The following SOX4 variants were observed in gnomAD, a reference collection of about 807,000 sequenced individuals.
SOX4 encodes SRY-box transcription factor 4, also known as transcription factor SOX-4.
For synonymous variants in SOX4, 465 were observed against 348.4 expected (o/e 1.33, Z -3.73); for missense variants, 662 against 694.9 (o/e 0.95, Z 0.53).
Position 21,594,322 on chromosome 6 carries a change from G to C in SOX4, c.-213G>C. On this transcript the variant is annotated 5_prime_UTR_variant, in exon 1 of 1. Transcript: ENST00000244745. ...CCAGCCTGGGAACTATAACTCCTCT[G>C]CGAGAGGCGGAGAACTCCTTCCCCA... The C allele has an allele frequency of 4.2e-6, 2 of 475,570 alleles. No individual in the cohort carries two copies. The highest frequency in any genetic ancestry group is 6.9e-6 in the Non-Finnish European group (2 of 291,802). 29.5% of individuals were successfully genotyped at this position (475,570 alleles called of 1,614,324 possible). A position where few individuals can be genotyped will look rare whatever the true frequency, so the allele number is the denominator to read the frequency against.
rs1460665706 is a variant in SOX4, at chr6:21,597,652, A to G, written c.*1693A>G. 1 of 166,544 alleles carries G rather than the reference A, an allele frequency of 6.0e-6. No homozygotes were observed. Among genetic ancestry groups the G allele is most frequent in the Non-Finnish European group, 1.5e-5 (1 of 67,918 alleles). 10.3% of individuals were successfully genotyped at this position (166,544 alleles called of 1,614,324 possible). On this transcript the variant is annotated 3_prime_UTR_variant, in exon 1 of 1. Coordinates refer to ENST00000244745, the MANE Select transcript of SOX4 (RefSeq NM_003107.3). ...GACTTTTGACACTTTTAAAAAACAA[A>G]AAAAGACAAGAGAGATGAAAACGTT...
Position 21,595,379 on chromosome 6 carries a change from C to T in SOX4, c.845C>T (p.Ala282Val). ...GCAGCCTCGGCCTCCGCAGCGCTCG[C>T]GGCCCCGGGCAAGCACCTGGCGGAG... ...SSAASASAAL[A>V]APGKHLAEKK... The change falls in exon 1 of 1, where the codon GCG becomes GTG. Residue 282 changes from alanine to valine, a missense_variant. Coordinates refer to ENST00000244745, the MANE Select transcript of SOX4 (RefSeq NM_003107.3). 2 of 1,536,748 alleles carry T rather than the reference C, an allele frequency of 1.3e-6. No homozygotes were observed. The highest frequency in any genetic ancestry group is 2.7e-5 in the East Asian group (1 of 37,366).
Position 21,595,509 on chromosome 6 carries a change from CGAG to C in SOX4, c.983_985del (p.Glu328del), listed in dbSNP as rs1763122835. On this transcript the variant is annotated inframe_deletion, in exon 1 of 1. Coordinates refer to ENST00000244745, the MANE Select transcript of SOX4 (RefSeq NM_003107.3). ...ACCCCAGCGACCCCCTGGGCCTGTA[CGAG>C]GAGGAGGGCGCGGGCTGCTCGCCCG... The C allele has an allele frequency of 7.0e-6, 9 of 1,293,278 alleles. No individual in the cohort carries two copies. In the South Asian group the frequency reaches 9.2e-5, roughly 13 times the overall value. 80.1% of individuals were successfully genotyped at this position (1,293,278 alleles called of 1,614,324 possible). A position where few individuals can be genotyped will look rare whatever the true frequency, so the allele number is the denominator to read the frequency against.
Position 21,595,326 on chromosome 6 carries a change from TC to T in SOX4, c.795del (p.Ser266AlafsTer28). 6.7e-7 allele frequency: 1 copy of T among 1,485,816 alleles called. No homozygotes were observed. The highest frequency in any genetic ancestry group is 8.9e-7 in the Non-Finnish European group (1 of 1,124,922). The allele number at this position is 1,485,816 out of a possible 1,614,324, so 92.0% of individuals were successfully genotyped here. A position where few individuals can be genotyped will look rare whatever the true frequency, so the allele number is the denominator to read the frequency against. On this transcript the variant is annotated frameshift_variant, in exon 1 of 1. Coordinates refer to ENST00000244745, the MANE Select transcript of SOX4 (RefSeq NM_003107.3). LOFTEE classifies it low-confidence loss of function (END_TRUNC). ...DHHSLYKARTPSASASASSAA... is the reference protein window; with the variant it reads ...DHHSLYKARTXSASASASSAA... ...ACCACTCGCTGTACAAGGCGCGGAC[TC>T]CCAGCGCCTCGGCCTCCGCCTCCTC...
At position 21,595,641 on chromosome 6, in the gene SOX4, C is replaced by T. The variant is rs1263151681; in HGVS notation, c.1107C>T (p.Pro369=). 6.8e-6 allele frequency: 10 copies of T among 1,474,608 alleles called. No homozygotes were observed. In the Admixed American group the frequency reaches 1.4e-4, roughly 20 times the overall value. The allele number at this position is 1,474,608 out of a possible 1,614,324, so 91.3% of individuals were successfully genotyped here. The part of the protein sequence containing the change: ...RGYASLRAAS[P]APSSAPSHAS... ...ACGCCAGCCTGCGCGCCGCCTCGCCCGCCCCGTCCAGCGCGCCCTCGCACG... is the reference window on the plus strand; with the variant it reads ...ACGCCAGCCTGCGCGCCGCCTCGCCTGCCCCGTCCAGCGCGCCCTCGCACG... The change falls in exon 1 of 1, where the codon CCC becomes CCT. Residue 369 remains proline (P), a synonymous_variant. Coordinates refer to ENST00000244745, the MANE Select transcript of SOX4 (RefSeq NM_003107.3).
chr6:21,596,143 A>T lies in SOX4; in HGVS notation c.*184A>T. ...ATCAAGGAGCGCGGCGGCGTTTTGG[A>T]CCCGCGCTCCCATCCCCCACCTTCC... On this transcript the variant is annotated 3_prime_UTR_variant, in exon 1 of 1. Coordinates refer to ENST00000244745, the MANE Select transcript of SOX4 (RefSeq NM_003107.3). The T allele has an allele frequency of 1.0e-6, 1 of 993,976 alleles. No individual in the cohort carries two copies. The highest frequency in any genetic ancestry group is 1.4e-6 in the Non-Finnish European group (1 of 733,502). 61.6% of individuals were successfully genotyped at this position (993,976 alleles called of 1,614,324 possible). A position where few individuals can be genotyped will look rare whatever the true frequency, so the allele number is the denominator to read the frequency against.
Position 21,595,626 on chromosome 6 carries a change from G to C in SOX4, c.1092G>C (p.Leu364=), listed in dbSNP as rs1561757724. ...SPADHRGYAS[L]RAASPAPSSA... Reference sequence around the variant, plus strand: ...CCGACCACCGCGGCTACGCCAGCCTGCGCGCCGCCTCGCCCGCCCCGTCCA... The same window carrying C: ...CCGACCACCGCGGCTACGCCAGCCTCCGCGCCGCCTCGCCCGCCCCGTCCA... Residue 364 remains leucine, a synonymous_variant, in exon 1 of 1, where the codon CTG becomes CTC. Coordinates refer to ENST00000244745, the MANE Select transcript of SOX4 (RefSeq NM_003107.3). 4 of 1,379,380 alleles carry C rather than the reference G, an allele frequency of 2.9e-6. No homozygotes were observed. 85.4% of individuals were successfully genotyped at this position (1,379,380 alleles called of 1,614,324 possible).
Position 21,594,821 on chromosome 6 carries a change from G to T in SOX4, c.287G>T (p.Arg96Leu), listed in dbSNP as rs1374235221. ...GAGATCTCCAAGCGGCTGGGCAAAC[G>T]CTGGAAGCTGCTCAAAGACAGCGAC... ...NAEISKRLGK[R>L]WKLLKDSDKI... Residue 96 changes from arginine (R) to leucine (L), a missense_variant, in exon 1 of 1, where the codon CGC (arginine) becomes CTC (leucine). Transcript: ENST00000244745. The T allele has an allele frequency of 6.2e-7, 1 of 1,609,840 alleles. No individual in the cohort carries two copies. Among genetic ancestry groups the T allele is most frequent in the Non-Finnish European group, 8.5e-7 (1 of 1,178,218 alleles).
In SOX4 at chr6:21,598,004, C is replaced by G. The variant is rs1763207798; in HGVS notation, c.*2045C>G. 1 of 167,014 alleles carries G rather than the reference C, an allele frequency of 6.0e-6. No individual in the cohort carries two copies. The highest frequency in any genetic ancestry group is 2.1e-4 in the South Asian group (1 of 4,830). The allele number at this position is 167,014 out of a possible 1,614,324, so 10.3% of individuals were successfully genotyped here. The stretch of plus-strand genomic sequence containing the variant: ...CTGTCCAGAGGCTTTAAAACTGGTG[C>G]AATTACAGCAAAAAGGGATTCTGTA... On this transcript the variant is annotated 3_prime_UTR_variant, in exon 1 of 1. Coordinates refer to ENST00000244745, the MANE Select transcript of SOX4 (RefSeq NM_003107.3).
chr6:21,594,678 C>T lies in SOX4; in HGVS notation c.144C>T (p.Asp48=), dbSNP rs758154971. The change falls in exon 1 of 1, where the codon GAC becomes GAT. Residue 48 remains aspartate, a synonymous_variant. Transcript: ENST00000244745. Reference sequence around the variant, plus strand: ...CCTCCACGGGCGGCAAGGCCGACGACCCGAGCTGGTGCAAGACCCCGAGTG... The same window carrying T: ...CCTCCACGGGCGGCAAGGCCGACGATCCGAGCTGGTGCAAGACCCCGAGTG... The part of the protein sequence containing the change: ...STASTGGKAD[D]PSWCKTPSGH... 92 of 1,599,440 alleles carry T rather than the reference C, an allele frequency of 5.8e-5. 2 individuals are homozygous for T. In the South Asian group the frequency reaches 7.8e-4, roughly 14 times the overall value.
In SOX4 at chr6:21,595,854, C is replaced by T. The variant is rs771490908; in HGVS notation, c.1320C>T (p.Ser440=). The change falls in exon 1 of 1, where the codon TCC becomes TCT. Residue 440 remains serine (S), a synonymous_variant. Coordinates refer to ENST00000244745, the MANE Select transcript of SOX4 (RefSeq NM_003107.3). The part of the protein sequence containing the change: ...RDLDFNFEPG[S]GSHFEFPDYC... ...TGGATTTTAACTTCGAGCCCGGCTC[C>T]GGCTCGCACTTCGAGTTCCCGGACT... 3.1e-6 allele frequency: 5 copies of T among 1,611,810 alleles called. No homozygotes were observed. The South Asian group carries it at 4.4e-5, about 14-fold the overall frequency.
In SOX4 at chr6:21,596,258, G is replaced by T. The variant is rs1763154216; in HGVS notation, c.*299G>T. On this transcript the variant is annotated 3_prime_UTR_variant, in exon 1 of 1. Coordinates refer to ENST00000244745, the MANE Select transcript of SOX4 (RefSeq NM_003107.3). ...ACCTGTGATTGTTGTTATTGATGTT[G>T]TTGTTGATGGCAAAAAAAAAAAAGC... is the stretch of plus-strand genomic sequence containing the variant. The T allele has an allele frequency of 1.6e-5, 3 of 191,170 alleles. No homozygotes were observed. Among genetic ancestry groups the T allele is most frequent in the East Asian group, 1.3e-4 (1 of 7,540 alleles). 11.8% of individuals were successfully genotyped at this position (191,170 alleles called of 1,614,324 possible). A position where few individuals can be genotyped will look rare whatever the true frequency, so the allele number is the denominator to read the frequency against.
In SOX4 at chr6:21,596,130, G is replaced by A. The variant is rs1763149207; in HGVS notation, c.*171G>A. On this transcript the variant is annotated 3_prime_UTR_variant, in exon 1 of 1. Coordinates refer to ENST00000244745, the MANE Select transcript of SOX4 (RefSeq NM_003107.3). ...TTCTCGTCGTCGGATCAAGGAGCGC[G>A]GCGGCGTTTTGGACCCGCGCTCCCA... 8 of 1,206,784 alleles carry A rather than the reference G, an allele frequency of 6.6e-6. No individual in the cohort carries two copies. Among genetic ancestry groups the A allele is most frequent in the Admixed American group, 3.9e-5 (1 of 25,854 alleles). 74.8% of individuals were successfully genotyped at this position (1,206,784 alleles called of 1,614,324 possible). A position where few individuals can be genotyped will look rare whatever the true frequency, so the allele number is the denominator to read the frequency against.
chr6:21,595,880 A>C lies in SOX4; in HGVS notation c.1346A>C (p.Tyr449Ser). Residue 449 changes from tyrosine (Y) to serine (S), a missense_variant, in exon 1 of 1, where the codon TAC (tyrosine) becomes TCC (serine). Coordinates refer to ENST00000244745, the MANE Select transcript of SOX4 (RefSeq NM_003107.3). ...GGCTCGCACTTCGAGTTCCCGGACTACTGCACGCCCGAGGTGAGCGAGATG... is the reference window on the plus strand; with the variant it reads ...GGCTCGCACTTCGAGTTCCCGGACTCCTGCACGCCCGAGGTGAGCGAGATG... ...GSGSHFEFPD[Y>S]CTPEVSEMIS... 6.2e-7 allele frequency: 1 copy of C among 1,608,136 alleles called. No homozygotes were observed. The highest frequency in any genetic ancestry group is 8.5e-7 in the Non-Finnish European group (1 of 1,177,756).
In SOX4 at chr6:21,595,232, CCGCCGCCTCCTT is replaced by C. The variant is rs1469907321; in HGVS notation, c.706_717del (p.Ser236_Ala239del). ...GGCGGCGGGAAAGCAGCGGCTGCCG[CCGCCGCCTCCTT>C]CGCCGCCGAACAGGCGGGGGCCGCC... On this transcript the variant is annotated inframe_deletion, in exon 1 of 1. Transcript: ENST00000244745. The C allele has an allele frequency of 2.0e-5, 25 of 1,245,778 alleles. No homozygotes were observed. The Admixed American group carries it at 7.7e-4, about 38-fold the overall frequency. The allele number at this position is 1,245,778 out of a possible 1,614,324, so 77.2% of individuals were successfully genotyped here. A position where few individuals can be genotyped will look rare whatever the true frequency, so the allele number is the denominator to read the frequency against.
rs1763159880 is a variant in SOX4 at position 21,596,390 on chromosome 6, C to T, written c.*431C>T. 5.9e-6 allele frequency: 1 copy of T among 169,574 alleles called. No individual in the cohort carries two copies. The highest frequency in any genetic ancestry group is 6.5e-5 in the Admixed American group (1 of 15,340). 10.5% of individuals were successfully genotyped at this position (169,574 alleles called of 1,614,324 possible). ...AGAAGGCGAGTTAGTTTTCTAGAGACTTGAAGGAGTCTCCCCCTTCCTGCA... is the reference window on the plus strand; with the variant it reads ...AGAAGGCGAGTTAGTTTTCTAGAGATTTGAAGGAGTCTCCCCCTTCCTGCA... On this transcript the variant is annotated 3_prime_UTR_variant, in exon 1 of 1. Transcript: ENST00000244745.
rs148936006 is a variant in SOX4 at position 21,595,851 on chromosome 6, C to A, written c.1317C>A (p.Gly439=). The change falls in exon 1 of 1, where the codon GGC becomes GGA. Residue 439 remains glycine, a synonymous_variant. Transcript: ENST00000244745. ...DRDLDFNFEP[G]SGSHFEFPDY... ...ACCTGGATTTTAACTTCGAGCCCGG[C>A]TCCGGCTCGCACTTCGAGTTCCCGG... is the stretch of plus-strand genomic sequence containing the variant. 6.2e-7 allele frequency: 1 copy of A among 1,611,886 alleles called. No individual in the cohort carries two copies. The highest frequency in any genetic ancestry group is 8.5e-7 in the Non-Finnish European group (1 of 1,179,396).
Position 21,596,047 on chromosome 6 carries a change from G to A in SOX4, c.*88G>A, listed in dbSNP as rs1402470749. The A allele has an allele frequency of 3.6e-6, 5 of 1,398,174 alleles. No individual in the cohort carries two copies. The African/African-American group carries it at 4.5e-5, about 12-fold the overall frequency. The allele number at this position is 1,398,174 out of a possible 1,614,324, so 86.6% of individuals were successfully genotyped here. On this transcript the variant is annotated 3_prime_UTR_variant, in exon 1 of 1. Transcript: ENST00000244745. Reference sequence around the variant, plus strand: ...AAGAAACGAAAAGGACAGACGAAGAGTTTAAAGAGAAAAGGGAAAAAAGAA... The same window carrying A: ...AAGAAACGAAAAGGACAGACGAAGAATTTAAAGAGAAAAGGGAAAAAAGAA...
At position 21,595,225 on chromosome 6, in the gene SOX4, G is replaced by A. The variant is rs1303945457; in HGVS notation, c.691G>A (p.Ala231Thr). 16 of 1,243,048 alleles carry A rather than the reference G, an allele frequency of 1.3e-5. No individual in the cohort carries two copies. Among genetic ancestry groups the A allele is most frequent in the Non-Finnish European group, 1.6e-5 (16 of 998,282 alleles). 77.0% of individuals were successfully genotyped at this position (1,243,048 alleles called of 1,614,324 possible). A position where few individuals can be genotyped will look rare whatever the true frequency, so the allele number is the denominator to read the frequency against. The change falls in exon 1 of 1, where the codon GCT becomes ACT. Residue 231 changes from alanine (A) to threonine (T), a missense_variant. Physicochemically the swap from Ala to Thr is moderately conservative, Grantham distance 58. Coordinates refer to ENST00000244745, the MANE Select transcript of SOX4 (RefSeq NM_003107.3). ...CGGCGGCGGCGGCGGGAAAGCAGCGGCTGCCGCCGCCGCCTCCTTCGCCGC... is the reference window on the plus strand; with the variant it reads ...CGGCGGCGGCGGCGGGAAAGCAGCGACTGCCGCCGCCGCCTCCTTCGCCGC... The part of the protein sequence containing the change: ...AGGGGGGKAA[A>T]AAAASFAAEQ...
Sources: allele counts gnomAD v4.1 joint callset, GRCh38; gene constraint gnomAD v4.1.1; transcripts MANE v1.5; gene names NCBI Gene and HGNC (gene_info 2026-07-23, HGNC 2026-07-21).